GOLM2: variants seen among roughly 807,000 people sequenced by gnomAD.
The protein encoded by GOLM2 is golgi membrane protein 2, also known as protein GOLM2.
GOLM2 carries 26 observed loss-of-function variants against 55.9 expected under a neutral mutation model. The ratio of observed to expected loss-of-function variants is 0.47; its 90% CI spans 0.34 to 0.65. GOLM2 has a LOEUF of 0.65. Among genes scored for constraint, GOLM2 ranks in the 30% least tolerant of loss-of-function variants. The probability of loss-of-function intolerance (pLI) is 0.01; values close to 1 mark genes in which losing one functional copy is unlikely to be tolerated. For synonymous variants in GOLM2, 165 were observed against 194.6 expected, an observed-to-expected ratio of 0.85 and a Z score of 1.27; for missense variants, 486 against 531.8, an observed-to-expected ratio of 0.91 and a Z score of 0.85.
intron 6 of GOLM2, among the ~76,000 whole-genome samples, chr15:44,359,084 A>G (rs1180502946): frequency 6.6e-6 from 1 of 151,820 alleles, no homozygotes; most frequent in Non-Finnish European, 1.5e-5. Context: ...AGGGAGGCGG[A>G]GGTTGCAGTG....
chr15:44,302,141 A>G (rs1476048816), intron 1 of GOLM2, among the ~76,000 whole-genome samples: 4 of 150,740 alleles, frequency 2.7e-5, no homozygotes, highest in Non-Finnish European at 4.4e-5. Context: ...TCTTTTTTAC[A>G]TTTAATTTTT....
intron 6 of GOLM2, among the ~76,000 whole-genome samples, chr15:44,342,026 C>A (rs374011189): frequency 3.3e-5 from 5 of 151,972 alleles, no homozygotes; most frequent in African/African-American, 1.2e-4. Flanking sequence ...GAATGAATAG[C>A]GCTACTTTTG....
intron 8 of GOLM2, among the ~76,000 whole-genome samples, chr15:44,384,000 T>C (rs893898883): frequency 8.5e-5 from 13 of 152,142 alleles, no homozygotes; most frequent in African/African-American, 3.1e-4. Context: ...TCTTTATAGA[T>C]AATTCAGATT....
At chr15:44,392,588 A>C (rs1595664761) in intron 8 of GOLM2, among the ~76,000 whole-genome samples, 1 of 151,372 alleles carries the variant, frequency 6.6e-6, no homozygotes, top group African/African-American at 2.4e-5. Context: ...GTGCCACTGC[A>C]CTCCAGCCTG....
At chr15:44,360,734 A>C (rs2079231840) in intron 6 of GOLM2, among the ~76,000 whole-genome samples, 1 of 152,084 alleles carries the variant, frequency 6.6e-6, no homozygotes, top group South Asian at 2.1e-4. Context: ...CTCCACCCCA[A>C]ATCAACAGAA....
At chr15:44,298,948 G>C (rs903780104) in intron 1 of GOLM2, among the ~76,000 whole-genome samples, 5 of 152,128 alleles carry the variant, frequency 3.3e-5, no homozygotes, top group Admixed American at 3.3e-4. Context: ...AATAGAATTA[G>C]GGAGAACACC....
chr15:44,340,237 C>T (rs1468028498), intron 6 of GOLM2, among the ~76,000 whole-genome samples: 1 of 151,946 alleles, frequency 6.6e-6, no homozygotes, highest in Non-Finnish European at 1.5e-5. Context: ...TGGGTCACTG[C>T]ACCCAGCCAA....
intron 1 of GOLM2, among the ~76,000 whole-genome samples, chr15:44,292,235 T>A (rs964529049): frequency 6.6e-6 from 1 of 150,430 alleles, no homozygotes; most frequent in Non-Finnish European, 1.5e-5. Context: ...TCTCGCTCGG[T>A]TAAGCAGGCT....
chr15:44,376,668 T>C (rs1040244438), intron 6 of GOLM2, among the ~76,000 whole-genome samples: 12 of 152,232 alleles, frequency 7.9e-5, no homozygotes, highest in African/African-American at 2.4e-5. Context: ...GTATCTCCTA[T>C]ACAAAATTGG....
chr15:44,314,904 A>G lies in GOLM2; in HGVS notation c.328-8061A>G, dbSNP rs533946877. On this transcript the variant is annotated intron_variant, in intron 1 of 9. Transcript: ENST00000299957. ...AGGGAGGTTGTGAGAATTAAATGAG[A>G]TAATGCTTGTAAAGCACTTAGCCTA... Among the ~76,000 whole-genome samples, 18 of 152,354 alleles carry G rather than the reference A, an allele frequency of 1.2e-4. No individual in the cohort carries two copies. In the East Asian group the frequency reaches 2.7e-3, roughly 23 times the overall value.
intron 3 of GOLM2, among the ~76,000 whole-genome samples, chr15:44,330,054 G>T (rs536633737): frequency 6.6e-6 from 1 of 151,072 alleles, no homozygotes; most frequent in African/African-American, 2.4e-5. Flanking sequence ...GGGACCACAG[G>T]TGCCCGCCAC....
intron 6 of GOLM2, among the ~76,000 whole-genome samples, chr15:44,362,521 C>A (rs2079248853): frequency 1.3e-5 from 2 of 151,660 alleles, no homozygotes; most frequent in Non-Finnish European, 2.9e-5. Context: ...AACTACAAAC[C>A]ACTGCTCAAT....
intron 6 of GOLM2, among the ~76,000 whole-genome samples, chr15:44,356,202 G>C (rs1311233534): frequency 6.7e-6 from 1 of 148,806 alleles, no homozygotes; most frequent in East Asian, 2.0e-4. Flanking sequence ...TAAATCCAAA[G>C]TAAGCAAAAT....
intron 8 of GOLM2, among the ~76,000 whole-genome samples, chr15:44,396,584 T>G (rs1309541090): frequency 6.6e-6 from 1 of 152,168 alleles, no homozygotes; most frequent in Non-Finnish European, 1.5e-5. Context: ...TTCTGAAGTT[T>G]GTAGTCTGAT....
At chr15:44,291,991 TGATCA>T (rs1446031972) in intron 1 of GOLM2, among the ~76,000 whole-genome samples, 2 of 152,274 alleles carry the variant, frequency 1.3e-5, no homozygotes, top group East Asian at 3.9e-4. Flanking sequence ...TTAGTTTATT[TGATCA>T]CAGGTTACTA....
chr15:44,379,604 A>G (rs967947604), intron 6 of GOLM2, 86 bp from the exon 7 acceptor site: 2 of 752,430 alleles, frequency 2.7e-6, no homozygotes, highest in Non-Finnish European at 4.5e-6. Context: ...TGCAATGTAA[A>G]TTGATTCACG....
At chr15:44,364,100 G>A (rs1350138153) in intron 6 of GOLM2, among the ~76,000 whole-genome samples, 4 of 152,232 alleles carry the variant, frequency 2.6e-5, no homozygotes, top group African/African-American at 7.2e-5. Context: ...GCTAGTTGAC[G>A]AGTTAGTGGG....
At chr15:44,349,557 C>G (rs1479837848) in intron 6 of GOLM2, among the ~76,000 whole-genome samples, 1 of 152,014 alleles carries the variant, frequency 6.6e-6, no homozygotes, top group South Asian at 2.1e-4. Flanking sequence ...ACTTCAACAC[C>G]CCACTTTCAG....
At chr15:44,302,353 G>A (rs1053067313) in intron 1 of GOLM2, among the ~76,000 whole-genome samples, 5 of 151,408 alleles carry the variant, frequency 3.3e-5, no homozygotes, top group Admixed American at 2.6e-4. Flanking sequence ...CCATGTTGAC[G>A]AGGCTGGTCT....
Sources: gnomAD v4.1 joint callset for allele counts (sites outside exome capture counted in the v4.1 genomes callset) on GRCh38, gnomAD v4.1.1 for gene constraint, MANE v1.5 for transcripts, NCBI Gene and HGNC (gene_info 2026-07-23, HGNC 2026-07-21) for gene names.